The following TIAM1 variants were observed in gnomAD, a reference collection of about 807,000 sequenced individuals.
TIAM1 encodes the protein rho guanine nucleotide exchange factor TIAM1.
Under a neutral mutation model 163.5 loss-of-function variants are expected in TIAM1, and 65 were observed. The observed-to-expected ratio is 0.40, with a 90% CI of 0.33 to 0.49. The LOEUF (loss-of-function observed/expected upper bound fraction) is 0.49. Ranked by LOEUF, TIAM1 falls within the 20% of genes least tolerant of loss-of-function variation. The probability of loss-of-function intolerance (pLI) is 0.77; values close to 1 mark genes in which losing one functional copy is unlikely to be tolerated. For synonymous variants in TIAM1, 833 were observed against 810.1 expected (o/e 1.03, Z -0.48); for missense variants, 1,789 against 2,044.7 (o/e 0.87, Z 2.41).
chr21:31,504,785 T>TC (rs1416170869), intron 1 of TIAM1, among the ~76,000 whole-genome samples: 3 of 152,136 alleles, frequency 2.0e-5, no homozygotes, highest in African/African-American at 4.8e-5. Flanking sequence ...CTGCATTTTT[T>TC]CAGGATCTCA....
At chr21:31,469,459 G>A (rs2045657905) in intron 1 of TIAM1, among the ~76,000 whole-genome samples, 1 of 152,130 alleles carries the variant, frequency 6.6e-6, no homozygotes, top group Admixed American at 6.6e-5. Context: ...TCTGTCACCT[G>A]TGAGTGTGCG....
chr21:31,295,347 G>A (rs1344330098), intron 2 of TIAM1, among the ~76,000 whole-genome samples: 4 of 151,630 alleles, frequency 2.6e-5, no homozygotes, highest in South Asian at 2.1e-4. Context: ...GCAGGCACCT[G>A]TAGTCCCAAC....
chr21:31,486,691 T>C (rs2046283190), intron 1 of TIAM1, among the ~76,000 whole-genome samples: 1 of 152,216 alleles, frequency 6.6e-6, no homozygotes, highest in African/African-American at 2.4e-5. Context: ...GGGAACAGGC[T>C]GGGCCATCCT....
chr21:31,373,785 GA>G (rs11427116), intron 2 of TIAM1, among the ~76,000 whole-genome samples: 2 of 152,100 alleles, frequency 1.3e-5, no homozygotes, highest in African/African-American at 4.8e-5. Flanking sequence ...ACTAATTCAA[GA>G]AAATGATCAA....
At chr21:31,150,115 G>T (rs1177980482) in intron 19 of TIAM1, among the ~76,000 whole-genome samples, 1 of 152,064 alleles carries the variant, frequency 6.6e-6, no homozygotes, top group Non-Finnish European at 1.5e-5. Context: ...TAGATGAAGG[G>T]TATTCAGGAA....
chr21:31,140,652 G>T (rs2082805849), intron 22 of TIAM1, among the ~76,000 whole-genome samples: 1 of 152,180 alleles, frequency 6.6e-6, no homozygotes, highest in Non-Finnish European at 1.5e-5. Context: ...AGGTGTATCT[G>T]TTCCTGCCAC....
intron 2 of TIAM1, among the ~76,000 whole-genome samples, chr21:31,333,228 G>A (rs1382205432): frequency 6.6e-6 from 1 of 152,132 alleles, no homozygotes; most frequent in Non-Finnish European, 1.5e-5. Context: ...TTGTCCGCCT[G>A]GGGGCTGCTG....
chr21:31,254,129 T>C (rs2071964366), intron 4 of TIAM1, among the ~76,000 whole-genome samples: 1 of 152,188 alleles, frequency 6.6e-6, no homozygotes, highest in Admixed American at 6.5e-5. Flanking sequence ...CAGGGAAATT[T>C]AGCTACACAG....
intron 2 of TIAM1, among the ~76,000 whole-genome samples, chr21:31,359,169 T>A (rs2076362465): frequency 6.6e-6 from 1 of 152,242 alleles, no homozygotes; most frequent in African/African-American, 2.4e-5. Context: ...CTACTTTGCT[T>A]TTTTAAAATA....
intron 1 of TIAM1, among the ~76,000 whole-genome samples, chr21:31,525,157 G>A (rs531345545): frequency 3.3e-5 from 5 of 151,964 alleles, no homozygotes; most frequent in Admixed American, 6.6e-5. Context: ...ATCACCTGAG[G>A]TCAAGAGTTC....
chr21:31,230,981 T>C (rs928190201), intron 6 of TIAM1, among the ~76,000 whole-genome samples: 1 of 152,228 alleles, frequency 6.6e-6, no homozygotes, highest in Non-Finnish European at 1.5e-5. Context: ...CTTCTCATTC[T>C]AGGAATATGG....
chr21:31,195,258 G>A lies in TIAM1; in HGVS notation c.2541C>T (p.His847=). The A allele has an allele frequency of 1.2e-6, 2 of 1,613,700 alleles. No individual in the cohort carries two copies. The highest frequency in any genetic ancestry group is 1.7e-6 in the Non-Finnish European group (2 of 1,179,718). ...CAGCAGCTGTATCTGACTTCTCAATGTGGATGCTCTGAGTGACTTTTGGAC... is the reference window on the plus strand; with the variant it reads ...CAGCAGCTGTATCTGACTTCTCAATATGGATGCTCTGAGTGACTTTTGGAC... ...EICPKVTQSI[H]IEKSDTAADT... The change falls in exon 13 of 28, where the codon CAC becomes CAT. Residue 847 remains histidine, a synonymous_variant. Transcript: ENST00000541036.
chr21:31,501,515 G>A (rs2253754), intron 1 of TIAM1, among the ~76,000 whole-genome samples: 127,042 of 151,974 alleles, frequency 0.84, 53,335 homozygotes, highest in African/African-American at 0.89. Context: ...TTGGCCTTTC[G>A]TATCTACCTG....
At chr21:31,284,374 C>T (rs1384206573) in intron 2 of TIAM1, among the ~76,000 whole-genome samples, 1 of 152,170 alleles carries the variant, frequency 6.6e-6, no homozygotes, top group Non-Finnish European at 1.5e-5. Flanking sequence ...TTGGACAGAG[C>T]TGCCTCCCAC....
chr21:31,255,962 C>CA (rs1189617813), intron 4 of TIAM1, among the ~76,000 whole-genome samples: 4 of 152,130 alleles, frequency 2.6e-5, no homozygotes, highest in Non-Finnish European at 4.4e-5. Context: ...GCAGCTTCCC[C>CA]AAAAAATGAA....
At chr21:31,543,421 ATGAATG>A (rs1235206878) in intron 1 of TIAM1, among the ~76,000 whole-genome samples, 2 of 152,206 alleles carry the variant, frequency 1.3e-5, no homozygotes, top group Non-Finnish European at 2.9e-5. Context: ...GCCGTGGGAG[ATGAATG>A]TGGCTGAGAC....
At chr21:31,274,157 G>A (rs2073187223) in intron 3 of TIAM1, among the ~76,000 whole-genome samples, 2 of 152,138 alleles carry the variant, frequency 1.3e-5, no homozygotes. Context: ...AGAGGCTGCA[G>A]TGAGCCAAGA....
rs1272829774 is a variant in TIAM1, at chr21:31,210,748, G to GAGAAAGAAAGAAAGAAAGAAAGAA, written c.2218-557_2218-534dup. On this transcript the variant is annotated intron_variant, in intron 10 of 27. Coordinates refer to ENST00000541036, the MANE Select transcript of TIAM1 (RefSeq NM_001353694.2). The stretch of plus-strand genomic sequence containing the variant: ...AAGAAAGAGAAAGAAGGAAGGAAGG[G>GAGAAAGAAAGAAAGAAAGAAAGAA]AGAAAGAAAGAAAGAAAGAAAGAAA... Among the ~76,000 whole-genome samples the GAGAAAGAAAGAAAGAAAGAAAGAA allele has an allele frequency of 9.4e-4, 56 of 59,790 alleles. 1 individual carries two copies. The highest frequency in any genetic ancestry group is 3.3e-3 in the East Asian group (5 of 1,524). The allele number at this position is 59,790 out of a possible 152,430, so 39.2% of individuals were successfully genotyped here. A position where few individuals can be genotyped will look rare whatever the true frequency, so the allele number is the denominator to read the frequency against.
chr21:31,130,096 G>GGA, intron 25 of TIAM1, 117 bp downstream of exon 25: 1 of 555,678 alleles, frequency 1.8e-6, no homozygotes, highest in Non-Finnish European at 3.0e-6. Flanking sequence ...TAAGCATAGG[G>GGA]AAAAAAAAAA....
Sources: gnomAD v4.1 joint callset for allele counts (sites outside exome capture counted in the v4.1 genomes callset) on GRCh38, gnomAD v4.1.1 for gene constraint, MANE v1.5 for transcripts, NCBI Gene and HGNC (gene_info 2026-07-23, HGNC 2026-07-21) for gene names.